The following CACNA1C variants were observed in gnomAD, a reference collection of about 807,000 sequenced individuals.
CACNA1C encodes the protein calcium voltage-gated channel subunit alpha1 C, also known as voltage-dependent L-type calcium channel subunit alpha-1C.
In CACNA1C, 30 loss-of-function variants were observed where a neutral mutation model predicts 229.0. The observed-to-expected ratio is 0.13, with a 90% CI of 0.10 to 0.18. CACNA1C has a LOEUF of 0.18. Among genes scored for constraint, CACNA1C ranks in the 10% least tolerant of loss-of-function variants. The probability of loss-of-function intolerance (pLI) is 1.00; values close to 1 mark genes in which losing one functional copy is unlikely to be tolerated. For synonymous variants in CACNA1C, 1,114 were observed against 1,132.5 expected (o/e 0.98, Z 0.33); for missense variants, 1,658 against 2,845.0 (o/e 0.58, Z 9.49).
At chr12:2,006,808 A>T (rs975816383) in intron 1 of CACNA1C, among the ~76,000 whole-genome samples, 3 of 152,224 alleles carry the variant, frequency 2.0e-5, no homozygotes, top group African/African-American at 7.2e-5. Flanking sequence ...CTGAGAACAT[A>T]TGTTTATATA....
chr12:2,387,015 A>G (rs1369895823), intron 3 of CACNA1C, among the ~76,000 whole-genome samples: 1 of 152,210 alleles, frequency 6.6e-6, no homozygotes, highest in Non-Finnish European at 1.5e-5. Flanking sequence ...AGCTCTTTTA[A>G]CAATAAGACT....
At chr12:2,110,035 A>G (rs936314374) in intron 1 of CACNA1C, among the ~76,000 whole-genome samples, 3 of 152,168 alleles carry the variant, frequency 2.0e-5, no homozygotes, top group African/African-American at 7.2e-5. Context: ...CAGGTGCAGA[A>G]ATAGAGATGG....
chr12:2,500,302 G>C (rs1241887572), intron 7 of CACNA1C, among the ~76,000 whole-genome samples: 2 of 152,170 alleles, frequency 1.3e-5, no homozygotes, highest in African/African-American at 4.8e-5. Context: ...CTCCCCCTTT[G>C]AAGTCCTTCA....
chr12:2,151,417 C>G (rs969003740), intron 3 of CACNA1C, among the ~76,000 whole-genome samples: 1 of 151,506 alleles, frequency 6.6e-6, no homozygotes, highest in Non-Finnish European at 1.5e-5. Context: ...ACTGAGGAGC[C>G]ATTTTTATAG....
In CACNA1C at chr12:2,493,311, T is replaced by C; in HGVS notation, c.1038T>C (p.Phe346=). ...GTCCCAAGCACGGCATCACCAACTT[T>C]GACAACTTTGCCTTCGCCATGCTCA... is the stretch of plus-strand genomic sequence containing the variant. The part of the protein sequence containing the change: ...WDGPKHGITN[F]DNFAFAMLTV... The change falls in exon 7 of 47, where the codon TTT becomes TTC. Residue 346 remains phenylalanine, a synonymous_variant. Transcript: ENST00000399655. This position sits in a 1 kb window ranked among gnomAD's most constrained non-coding sequence, Gnocchi z 4.6. The C allele has an allele frequency of 6.2e-7, 1 of 1,614,114 alleles. No individual in the cohort carries two copies. The highest frequency in any genetic ancestry group is 1.3e-5 in the African/African-American group (1 of 75,034).
At chr12:2,208,306 C>G (rs1168756733) in intron 3 of CACNA1C, among the ~76,000 whole-genome samples, 1 of 152,212 alleles carries the variant, frequency 6.6e-6, no homozygotes, top group Non-Finnish European at 1.5e-5. Context: ...TTACAATGTG[C>G]TAAAAGAGAA....
rs774002530 is a variant in CACNA1C, at chr12:2,585,891, C to A, written c.2517C>A (p.Asn839Lys). The A allele has an allele frequency of 1.1e-5, 17 of 1,599,110 alleles. No individual in the cohort carries two copies. In the East Asian group the frequency reaches 3.8e-4, roughly 36 times the overall value. The change falls in exon 18 of 47, where the codon AAC becomes AAA. Residue 839 changes from asparagine to lysine, a missense_variant. Asn to Lys is a moderately conservative substitution (Grantham distance 94). Coordinates refer to ENST00000399655, the MANE Select transcript of CACNA1C (RefSeq NM_000719.7). This position sits in a 1 kb window ranked among gnomAD's most constrained non-coding sequence, Gnocchi z 4.1. ...ATGAGGATAAGAGCCCCTACCCCAA[C>A]CCAGAAACTACAGGTACCAGTCCCA... ...NENEDKSPYP[N>K]PETTGEEDEE... is the part of the protein sequence containing the mutation.
At chr12:2,024,078 G>A (rs1343158658) in intron 1 of CACNA1C, among the ~76,000 whole-genome samples, 1 of 152,218 alleles carries the variant, frequency 6.6e-6, no homozygotes. Context: ...ATTGACAGAT[G>A]TTGAGCTTGG....
chr12:2,634,371 C>G lies in CACNA1C; in HGVS notation c.3903C>G (p.Thr1301=), dbSNP rs1489840314. ...VVGSIVDIAI[T]EVNPAEHTQC... ...GTAGCATTGTTGATATAGCAATCAC[C>G]GAGGTAAACGTAAGTACATGGCGTC... The change falls in exon 30 of 47, where the codon ACC becomes ACG. Residue 1301 remains threonine (T), a synonymous_variant. Transcript: ENST00000399655. 1 of 1,566,552 alleles carries G rather than the reference C, an allele frequency of 6.4e-7. No homozygotes were observed. The highest frequency in any genetic ancestry group is 1.8e-5 in the Admixed American group (1 of 55,296).
intron 3 of CACNA1C, among the ~76,000 whole-genome samples, chr12:2,323,947 C>A (rs887107546): frequency 6.6e-6 from 1 of 152,154 alleles, no homozygotes; most frequent in African/African-American, 2.4e-5. Context: ...GAGTGAAGGG[C>A]ATGGAGAAGA....
intron 3 of CACNA1C, among the ~76,000 whole-genome samples, chr12:2,421,299 C>T (rs1186379671): frequency 6.6e-6 from 1 of 152,166 alleles, no homozygotes; most frequent in Non-Finnish European, 1.5e-5. Context: ...TCATAGAACA[C>T]GTAAGGGCAA....
chr12:2,066,435 G>A (rs917102706), intron 1 of CACNA1C, among the ~76,000 whole-genome samples: 1 of 152,072 alleles, frequency 6.6e-6, no homozygotes, highest in Non-Finnish European at 1.5e-5. Context: ...AGGGTCTTGG[G>A]GATCAAGGCA....
chr12:2,532,566 A>G (rs1299265241), intron 9 of CACNA1C, among the ~76,000 whole-genome samples: 1 of 152,236 alleles, frequency 6.6e-6, no homozygotes, highest in Non-Finnish European at 1.5e-5. Flanking sequence ...GAAGCTGCCC[A>G]GGGCCCATGT....
chr12:2,591,753 C>T (rs909921203), intron 18 of CACNA1C, among the ~76,000 whole-genome samples: 1 of 151,718 alleles, frequency 6.6e-6, no homozygotes, highest in African/African-American at 2.4e-5. Flanking sequence ...GAAATGCATC[C>T]TTTTACAGTT....
chr12:2,400,390 TAA>T (rs2098660704), intron 3 of CACNA1C, among the ~76,000 whole-genome samples: 1 of 152,156 alleles, frequency 6.6e-6, no homozygotes, highest in African/African-American at 2.4e-5. Context: ...TATGTGCCCA[TAA>T]CTGACTCCAT....
intron 3 of CACNA1C, among the ~76,000 whole-genome samples, chr12:2,135,722 G>A (rs572929502): frequency 6.8e-6 from 1 of 146,050 alleles, no homozygotes; most frequent in East Asian, 2.0e-4. Flanking sequence ...CTGTCAGACA[G>A]GGACATTTAA....
At chr12:2,438,159 G>A (rs566165129) in intron 3 of CACNA1C, among the ~76,000 whole-genome samples, 127 of 75,164 alleles carry the variant, frequency 1.7e-3, no homozygotes, top group Middle Eastern at 0.011. Flanking sequence ...AGTGGGGATG[G>A]TAGTGGTGGT....
At chr12:2,238,343 T>C (rs537778208) in intron 3 of CACNA1C, among the ~76,000 whole-genome samples, 3 of 152,334 alleles carry the variant, frequency 2.0e-5, no homozygotes, top group Non-Finnish European at 2.9e-5. Context: ...TCACTTAATA[T>C]AGAAAGAACT....
chr12:2,102,961 C>A (rs2076977834), intron 1 of CACNA1C, among the ~76,000 whole-genome samples: 1 of 152,326 alleles, frequency 6.6e-6, no homozygotes, highest in Non-Finnish European at 1.5e-5. Flanking sequence ...ATATGTGCCA[C>A]ATTTTCTTTA....
Sources: gnomAD v4.1 joint callset for allele counts (sites outside exome capture counted in the v4.1 genomes callset) on GRCh38, gnomAD v4.1.1 for gene constraint, Gnocchi (gnomAD v3.1) non-coding constraint, MANE v1.5 for transcripts, NCBI Gene and HGNC (gene_info 2026-07-23, HGNC 2026-07-21) for gene names.